The following LYRM7 variants were observed in gnomAD, a reference collection of about 807,000 sequenced individuals.
LYRM7 encodes the protein LYR motif containing 7.
LYRM7 carries 9 observed loss-of-function variants against 15.8 expected under a neutral mutation model. The observed-to-expected ratio is 0.57, with a 90% CI of 0.34 to 0.99. The LOEUF is 0.99. Among genes scored for constraint, LYRM7 ranks in the 50% least tolerant of loss-of-function variants. The probability of loss-of-function intolerance (pLI) is 0.02; values close to 1 mark genes in which losing one functional copy is unlikely to be tolerated. For synonymous variants in LYRM7, 39 were observed against 39.4 expected (o/e 0.99, Z 0.04); for missense variants, 115 against 119.1 (o/e 0.97, Z 0.16).
intron 4 of LYRM7, among the ~76,000 whole-genome samples, chr5:131,196,099 G>GT (rs1374848867): frequency 6.9e-6 from 1 of 145,314 alleles, no homozygotes. Context: ...CTATTCTCCT[G>GT]TTCTTTTTTT....
chr5:131,197,049 T>C (rs555484106), intron 4 of LYRM7, among the ~76,000 whole-genome samples: 1 of 152,360 alleles, frequency 6.6e-6, no homozygotes, highest in East Asian at 1.9e-4. Context: ...CTGAACATAC[T>C]CTAAAGTGAT....
chr5:131,200,182 C>T lies in LYRM7; in HGVS notation c.*581C>T, dbSNP rs1180726599. 1 of 152,196 alleles carries T rather than the reference C, an allele frequency of 6.6e-6. No homozygotes were observed. Among genetic ancestry groups the T allele is most frequent in the Admixed American group, 6.5e-5 (1 of 15,268 alleles). The allele number at this position is 152,196 out of a possible 1,614,324, so 9.4% of individuals were successfully genotyped here. ...GTGTTCTTATGAAGACATTTTTTATCAGTTTTCTGAAAATAGATGAATAAA... is the reference window on the plus strand; with the variant it reads ...GTGTTCTTATGAAGACATTTTTTATTAGTTTTCTGAAAATAGATGAATAAA... On this transcript the variant is annotated 3_prime_UTR_variant, in exon 5 of 5. Transcript: ENST00000379380.
intron 3 of LYRM7, 73 bp downstream of exon 3, chr5:131,182,372 G>A (rs1035755789): frequency 8.3e-7 from 1 of 1,208,438 alleles, no homozygotes; most frequent in Non-Finnish European, 1.1e-6. Flanking sequence ...GAAGATAGAG[G>A]GGTTATGTAA....
chr5:131,180,364 T>C (rs1580693781), intron 2 of LYRM7, among the ~76,000 whole-genome samples, 197 bp downstream of exon 2: 1 of 151,908 alleles, frequency 6.6e-6, no homozygotes, highest in Non-Finnish European at 1.5e-5. Flanking sequence ...AAAGATCAAG[T>C]CTTCATAAAG....
In LYRM7 at chr5:131,200,495, A is replaced by G. The variant is rs1756043700; in HGVS notation, c.*894A>G. ...CACTAGGAACTGTAAAATACTGTTT[A>G]ATATTCTTCTTGTTTCTCTTTTATC... On this transcript the variant is annotated 3_prime_UTR_variant, in exon 5 of 5. Coordinates refer to ENST00000379380, the MANE Select transcript of LYRM7 (RefSeq NM_181705.4). 6.6e-6 allele frequency: 1 copy of G among 152,334 alleles called. No individual in the cohort carries two copies. Among genetic ancestry groups the G allele is most frequent in the South Asian group, 2.1e-4 (1 of 4,830 alleles). The allele number at this position is 152,334 out of a possible 1,614,324, so 9.4% of individuals were successfully genotyped here.
intron 1 of LYRM7, among the ~76,000 whole-genome samples, chr5:131,179,474 T>TA (rs1755655996): frequency 4.3e-5 from 1 of 23,492 alleles, no homozygotes; most frequent in African/African-American, 6.8e-5. Context: ...TTTTTTTTTC[T>TA]TTTTTTTTTT....
intron 1 of LYRM7, among the ~76,000 whole-genome samples, chr5:131,178,754 G>A (rs1396901061): frequency 6.6e-6 from 1 of 152,128 alleles, no homozygotes; most frequent in African/African-American, 2.4e-5. Flanking sequence ...GAGGTCAGGA[G>A]TTTGAAACCA....
intron 3 of LYRM7, among the ~76,000 whole-genome samples, chr5:131,182,947 G>C (rs1478166654): frequency 6.6e-6 from 1 of 152,004 alleles, no homozygotes; most frequent in Non-Finnish European, 1.5e-5. Flanking sequence ...AGGACCCTTA[G>C]GAAGAAAACA....
chr5:131,186,354 G>T (rs1236737352), intron 3 of LYRM7, among the ~76,000 whole-genome samples: 1 of 152,202 alleles, frequency 6.6e-6, no homozygotes, highest in South Asian at 2.1e-4. Flanking sequence ...CTCTAAATCT[G>T]TTTTGGAAGA....
At chr5:131,191,449 T>G (rs1050924315) in intron 4 of LYRM7, among the ~76,000 whole-genome samples, 4 of 152,128 alleles carry the variant, frequency 2.6e-5, no homozygotes, top group African/African-American at 9.7e-5. Context: ...GGAAGAGTAA[T>G]CACCTTGTAT....
Position 131,203,246 on chromosome 5 carries a change from A to G in LYRM7, c.*3645A>G, listed in dbSNP as rs910357131. 1 of 152,390 alleles carries G rather than the reference A, an allele frequency of 6.6e-6. No individual in the cohort carries two copies. Among genetic ancestry groups the G allele is most frequent in the African/African-American group, 2.4e-5 (1 of 41,470 alleles). 9.4% of individuals were successfully genotyped at this position (152,390 alleles called of 1,614,324 possible). On this transcript the variant is annotated 3_prime_UTR_variant, in exon 5 of 5. Coordinates refer to ENST00000379380, the MANE Select transcript of LYRM7 (RefSeq NM_181705.4). ...CAGTTGTCACCAATCAGAAATGGAA[A>G]ACAGATCCTATTTATAATTGCAAAC...
At chr5:131,199,445 T>G (rs948886177) in intron 4 of LYRM7, 86 bp from the exon 5 acceptor site, 3 of 924,870 alleles carry the variant, frequency 3.2e-6, no homozygotes, top group African/African-American at 3.4e-5. Flanking sequence ...ATTTTACTAT[T>G]TTAAATTTTA....
chr5:131,178,355 T>G lies in LYRM7; in HGVS notation c.19-1740T>G, dbSNP rs566689260. Reference sequence around the variant, plus strand: ...TGTTGAGAGAGGATAAAAGAAAGATTACAGAGACATTTCTAAAGTTTCCAC... The same window carrying G: ...TGTTGAGAGAGGATAAAAGAAAGATGACAGAGACATTTCTAAAGTTTCCAC... On this transcript the variant is annotated intron_variant, in intron 1 of 4. Coordinates refer to ENST00000379380, the MANE Select transcript of LYRM7 (RefSeq NM_181705.4). 3.7e-4 allele frequency among the ~76,000 whole-genome samples: 56 copies of G among 152,272 alleles called. No individual in the cohort carries two copies. The South Asian group carries it at 0.012, about 32-fold the overall frequency.
intron 4 of LYRM7, among the ~76,000 whole-genome samples, chr5:131,189,573 A>G (rs908504968): frequency 2.7e-5 from 4 of 150,780 alleles, no homozygotes; most frequent in African/African-American, 9.7e-5. Flanking sequence ...TTTACATGTG[A>G]CTATCCAGTT....
At chr5:131,174,328 G>A (rs564740956) in intron 1 of LYRM7, among the ~76,000 whole-genome samples, 26 of 152,262 alleles carry the variant, frequency 1.7e-4, no homozygotes, top group Admixed American at 1.3e-3. Context: ...CACTTTCCAC[G>A]TATCTGCAGT....
intron 4 of LYRM7, among the ~76,000 whole-genome samples, chr5:131,194,860 C>A (rs1755938542): frequency 6.6e-6 from 1 of 152,180 alleles, no homozygotes; most frequent in Admixed American, 6.5e-5. Flanking sequence ...TTGAAACAAC[C>A]TGTTTAATGC....
chr5:131,171,078 G>A, intron 1 of LYRM7, 40 bp downstream of exon 1: 2 of 1,502,220 alleles, frequency 1.3e-6, no homozygotes, highest in South Asian at 2.7e-5. Context: ...ATGCCGTCGG[G>A]GAGGGTATGT....
intron 2 of LYRM7, among the ~76,000 whole-genome samples, chr5:131,181,584 T>C (rs1377641160): frequency 6.6e-6 from 1 of 150,658 alleles, no homozygotes; most frequent in African/African-American, 2.4e-5. Flanking sequence ...GGAATAGTTA[T>C]AAGAACAGCT....
At chr5:131,176,689 C>T (rs1056317138) in intron 1 of LYRM7, among the ~76,000 whole-genome samples, 13 of 151,958 alleles carry the variant, frequency 8.6e-5, no homozygotes, top group African/African-American at 3.1e-4. Flanking sequence ...GAATATTGTA[C>T]CCAATAGGTA....
Sources: gnomAD v4.1 joint callset for allele counts (sites outside exome capture counted in the v4.1 genomes callset) on GRCh38, gnomAD v4.1.1 for gene constraint, MANE v1.5 for transcripts, NCBI Gene and HGNC (gene_info 2026-07-23, HGNC 2026-07-21) for gene names.